GABRA2: variants seen among roughly 807,000 people sequenced by gnomAD.
The protein encoded by GABRA2 is gamma-aminobutyric acid receptor subunit alpha-2.
Under a neutral mutation model 48.7 loss-of-function variants are expected in GABRA2, and 16 were observed. The observed-to-expected ratio is 0.33, with a 90% CI of 0.22 to 0.50. GABRA2 has a LOEUF of 0.50. GABRA2 is among the 20% of genes least tolerant of loss of function. The pLI is 0.98. For missense variants in GABRA2, 275 were observed against 535.6 expected (o/e 0.51, Z 4.80); for synonymous variants, 185 against 184.5 (o/e 1.00, Z -0.02).
At chr4:46,283,801 C>T (rs764425675) in intron 8 of GABRA2, among the ~76,000 whole-genome samples, 18 of 152,154 alleles carry the variant, frequency 1.2e-4, no homozygotes, top group Non-Finnish European at 2.1e-4. Context: ...ACTCTGTCAC[C>T]CAGGCCGGAG....
intron 3 of GABRA2, among the ~76,000 whole-genome samples, chr4:46,352,679 T>C (rs1478506450): frequency 6.6e-6 from 1 of 152,070 alleles, no homozygotes; most frequent in African/African-American, 2.4e-5. Flanking sequence ...GTCAGGTAAT[T>C]GTATCCATTG....
At chr4:46,376,466 A>G (rs938657005) in intron 3 of GABRA2, among the ~76,000 whole-genome samples, 1 of 152,202 alleles carries the variant, frequency 6.6e-6, no homozygotes, top group African/African-American at 2.4e-5. Context: ...TGAAACAGCC[A>G]AAGTAAGCAT....
chr4:46,305,180 A>G lies in GABRA2; in HGVS notation c.703+388T>C, dbSNP rs896058562. Among the ~76,000 whole-genome samples, 15 of 145,516 alleles carry G rather than the reference A, an allele frequency of 1.0e-4. No homozygotes were observed. The South Asian group carries it at 2.2e-3, about 21-fold the overall frequency. On this transcript the variant is annotated intron_variant, in intron 7 of 9. Coordinates refer to ENST00000381620, the MANE Select transcript of GABRA2 (RefSeq NM_000807.4). The stretch of plus-strand genomic sequence containing the variant: ...TCGCAAGGACAAAAAACCAAACACC[A>G]CATGTTCTCACTCATAGGTGGGAAT...
intron 5 of GABRA2, among the ~76,000 whole-genome samples, chr4:46,311,588 C>A (rs1727653949): frequency 6.6e-6 from 1 of 152,072 alleles, no homozygotes; most frequent in South Asian, 2.1e-4. Flanking sequence ...TTAGGATCAA[C>A]AACTATTTAT....
At position 46,271,706 on chromosome 4, in the gene GABRA2, G is replaced by A. The variant is rs185667711; in HGVS notation, c.857-9578C>T. On this transcript the variant is annotated intron_variant, in intron 8 of 9. Coordinates refer to ENST00000381620, the MANE Select transcript of GABRA2 (RefSeq NM_000807.4). ...ATGTTTCAAAGGCTAATAATAATGT[G>A]GACAACACTGTTGAAGGAATCAAAA... Among the ~76,000 whole-genome samples, 115 of 151,826 alleles carry A rather than the reference G, an allele frequency of 7.6e-4. 1 individual carries two copies. Among genetic ancestry groups the A allele is most frequent in the Middle Eastern group, 3.4e-3 (1 of 294 alleles).
At chr4:46,306,826 G>A (rs1726780262) in intron 6 of GABRA2, among the ~76,000 whole-genome samples, 1 of 152,052 alleles carries the variant, frequency 6.6e-6, no homozygotes, top group Non-Finnish European at 1.5e-5. Flanking sequence ...TGGTGACTCT[G>A]GTTCTGAAAT....
intron 8 of GABRA2, among the ~76,000 whole-genome samples, chr4:46,301,515 TGC>T (rs1725731482): frequency 6.6e-6 from 1 of 152,152 alleles, no homozygotes; most frequent in Admixed American, 6.5e-5. Flanking sequence ...ATGTCTCCAC[TGC>T]CACTGAAACA....
rs1342871741 is a variant in GABRA2, at chr4:46,390,031, G to A, written c.-307C>T. ...GGAGGAGGAGGAAGAGGAGGAGGGG[G>A]AAAACGATGACAGGAGCTGGGGCCG... On this transcript the variant is annotated 5_prime_UTR_variant, in exon 1 of 10. Transcript: ENST00000381620. 4.4e-6 allele frequency: 2 copies of A among 452,978 alleles called. No individual in the cohort carries two copies. Among genetic ancestry groups the A allele is most frequent in the Non-Finnish European group, 5.5e-6 (2 of 363,652 alleles). The allele number at this position is 452,978 out of a possible 1,614,324, so 28.1% of individuals were successfully genotyped here.
chr4:46,314,254 T>C (rs1488003808), intron 4 of GABRA2, among the ~76,000 whole-genome samples: 2 of 152,114 alleles, frequency 1.3e-5, no homozygotes, highest in Admixed American at 6.6e-5. Context: ...CTGCATATGA[T>C]TCTTGGTTAC....
intron 3 of GABRA2, among the ~76,000 whole-genome samples, chr4:46,378,697 C>T (rs1716329978): frequency 6.6e-6 from 1 of 151,842 alleles, no homozygotes; most frequent in African/African-American, 2.4e-5. Context: ...TGTGGTGGCA[C>T]ACACCTGTGG....
At chr4:46,269,590 A>C (rs112649094) in intron 8 of GABRA2, among the ~76,000 whole-genome samples, 2,412 of 152,034 alleles carry the variant, frequency 0.016, 69 homozygotes, top group African/African-American at 0.055. Flanking sequence ...ATATCAATAT[A>C]AATGTAACTG....
At chr4:46,305,187 C>T (rs1726451998) in intron 7 of GABRA2, among the ~76,000 whole-genome samples, 2 of 142,434 alleles carry the variant, frequency 1.4e-5, no homozygotes, top group South Asian at 2.2e-4. Flanking sequence ...ACCACATGTT[C>T]TCACTCATAG....
chr4:46,306,214 A>C (rs75533665), intron 6 of GABRA2, among the ~76,000 whole-genome samples: 4,552 of 152,342 alleles, frequency 0.03, 109 homozygotes, highest in Non-Finnish European at 0.051. Context: ...ATTATTATAG[A>C]ACATATAAGA....
At chr4:46,309,788 A>G (rs866815317) in intron 6 of GABRA2, among the ~76,000 whole-genome samples, 23 of 152,260 alleles carry the variant, frequency 1.5e-4, no homozygotes, top group South Asian at 6.2e-4. Context: ...CATTTGCAAC[A>G]GGCTGATTGC....
intron 3 of GABRA2, among the ~76,000 whole-genome samples, chr4:46,385,078 C>CATATATATATATATATAT (rs36113226): frequency 2.1e-5 from 3 of 143,556 alleles, no homozygotes; most frequent in Non-Finnish European, 4.6e-5. Flanking sequence ...AATTGCCTAA[C>CATATATATATATATATAT]ATATATATAT....
intron 8 of GABRA2, among the ~76,000 whole-genome samples, chr4:46,262,712 A>T (rs952297747): frequency 2.6e-5 from 4 of 152,098 alleles, no homozygotes; most frequent in Non-Finnish European, 5.9e-5. Flanking sequence ...AGCCTGGCCA[A>T]GATGGTGAAA....
chr4:46,364,758 T>G (rs1320559045), intron 3 of GABRA2: 1 of 152,212 alleles, frequency 6.6e-6, no homozygotes, highest in African/African-American at 2.4e-5. Context: ...TGATTTAGAT[T>G]TAAAAGGCTC....
At chr4:46,261,757 C>T (rs1717024729) in intron 9 of GABRA2, 169 bp downstream of exon 9, 1 of 652,396 alleles carries the variant, frequency 1.5e-6, no homozygotes, top group Non-Finnish European at 2.7e-6. Flanking sequence ...ATTAGTACTA[C>T]AAGAACTCCT....
intron 3 of GABRA2, among the ~76,000 whole-genome samples, chr4:46,347,915 CT>C (rs1734415127): frequency 1.3e-5 from 2 of 151,658 alleles, no homozygotes; most frequent in South Asian, 4.2e-4. Flanking sequence ...ACAAATAATT[CT>C]GTTTAAAAGG....
Sources: allele counts gnomAD v4.1 joint callset (sites outside exome capture counted in the v4.1 genomes callset), GRCh38; gene constraint gnomAD v4.1.1; transcripts MANE v1.5; gene names NCBI Gene and HGNC (gene_info 2026-07-23, HGNC 2026-07-21).